The following DHODH variants were observed in gnomAD, a reference collection of about 807,000 sequenced individuals.
The protein encoded by DHODH is dihydroorotate dehydrogenase (quinone), mitochondrial.
A neutral mutation model predicts 39.7 loss-of-function variants in DHODH; 30 were observed. The observed-to-expected ratio is 0.76, with a 90% CI of 0.57 to 1.02. The LOEUF (loss-of-function observed/expected upper bound fraction) is 1.02, where lower values mean the gene tolerates loss of function less well. DHODH is among the 50% of genes least tolerant of loss of function. The probability of loss-of-function intolerance (pLI) is 0.00; values close to 1 mark genes in which losing one functional copy is unlikely to be tolerated. For synonymous variants in DHODH, 222 were observed against 213.8 expected (o/e 1.04, Z -0.34); for missense variants, 531 against 520.8 (o/e 1.02, Z -0.19).
rs367744039 is a variant in DHODH, at chr16:72,017,004, C to G, written c.435-20C>G. Reference sequence around the variant, plus strand: ...TGGTGCCGTCTCACTCTGCCCCTCCCGTGTGCTTGTGCTCTGCAGGTATGG... The same window carrying G: ...TGGTGCCGTCTCACTCTGCCCCTCCGGTGTGCTTGTGCTCTGCAGGTATGG... On this transcript the variant is annotated intron_variant, in intron 3 of 8. Coordinates refer to ENST00000219240, the MANE Select transcript of DHODH (RefSeq NM_001361.5). 12 of 1,612,564 alleles carry G rather than the reference C, an allele frequency of 7.4e-6. No homozygotes were observed. Among genetic ancestry groups the G allele is most frequent in the Middle Eastern group, 3.3e-4 (2 of 6,056 alleles).
In DHODH at chr16:72,016,804, C is replaced by G. The variant is rs1479712398; in HGVS notation, c.435-220C>G. 10 of 521,034 alleles carry G rather than the reference C, an allele frequency of 1.9e-5. No homozygotes were observed. In the East Asian group the frequency reaches 3.7e-4, roughly 19 times the overall value. 32.3% of individuals were successfully genotyped at this position (521,034 alleles called of 1,614,324 possible). On this transcript the variant is annotated intron_variant, in intron 3 of 8. Coordinates refer to ENST00000219240, the MANE Select transcript of DHODH (RefSeq NM_001361.5). ...AGCTGCTGCTGAGTCTGGGCTGTTT[C>G]CAGTGCTAGCTGGCTGAGCATTTGC...
chr16:72,008,917 T>G (rs549243362), intron 1 of DHODH, 132 bp downstream of exon 1: 94 of 1,536,724 alleles, frequency 6.1e-5, no homozygotes, highest in Admixed American at 1.4e-4. Context: ...CGTGTGCGTG[T>G]TTCCGGGGTC....
chr16:72,013,179 A>T (rs1012797473), intron 2 of DHODH, among the ~76,000 whole-genome samples: 4 of 151,902 alleles, frequency 2.6e-5, no homozygotes, highest in African/African-American at 9.7e-5. Flanking sequence ...CTATCTGATT[A>T]TATGGTGTTG....
intron 1 of DHODH, among the ~76,000 whole-genome samples, chr16:72,011,291 A>G (rs143823295): frequency 2.0e-5 from 3 of 152,350 alleles, no homozygotes; most frequent in East Asian, 1.9e-4. Context: ...GGAATGTTCT[A>G]TGTGAAACTG....
At chr16:72,017,902 G>C (rs1285353140) in intron 4 of DHODH, among the ~76,000 whole-genome samples, 1 of 150,570 alleles carries the variant, frequency 6.6e-6, no homozygotes, top group African/African-American at 2.5e-5. Context: ...CTCCCGAGTA[G>C]CTGGGACTTC....
chr16:72,024,359 C>T lies in DHODH; in HGVS notation c.*160C>T, dbSNP rs1374757710. 58 of 745,252 alleles carry T rather than the reference C, an allele frequency of 7.8e-5. 1 individual carries two copies. The highest frequency in any genetic ancestry group is 7.6e-4 in the South Asian group (51 of 67,350). The allele number at this position is 745,252 out of a possible 1,614,324, so 46.2% of individuals were successfully genotyped here. A position where few individuals can be genotyped will look rare whatever the true frequency, so the allele number is the denominator to read the frequency against. ...CAATCGGGGGGTCACCAGGATCAAC[C>T]GCAGGCTTTCTTCAGTCCCTTGGTC... is the stretch of plus-strand genomic sequence containing the variant. On this transcript the variant is annotated 3_prime_UTR_variant, in exon 9 of 9. Transcript: ENST00000219240.
intron 1 of DHODH, among the ~76,000 whole-genome samples, chr16:72,009,916 A>C (rs906373726): frequency 2.6e-5 from 4 of 152,014 alleles, no homozygotes; most frequent in African/African-American, 7.3e-5. Context: ...CTCTTTTTAA[A>C]ATAAATAAAT....
chr16:72,020,348 TATATATG>T, intron 4 of DHODH: 1 of 117,932 alleles, frequency 8.5e-6, no homozygotes. Flanking sequence ...TATATATATA[TATATATG>T]TGTATATATA....
In DHODH at chr16:72,026,564, AG is replaced by A. The variant is rs2041277808; in HGVS notation, c.*2366del. On this transcript the variant is annotated 3_prime_UTR_variant, in exon 9 of 9. Transcript: ENST00000219240. ...CCCTGCTAATTTTTGTATTTTTAGT[AG>A]AGACGGGGTTTCACCATATTGGCCA... The A allele has an allele frequency of 6.6e-6, 1 of 151,956 alleles. No homozygotes were observed. Among genetic ancestry groups the A allele is most frequent in the African/African-American group, 2.4e-5 (1 of 41,322 alleles). The allele number at this position is 151,956 out of a possible 1,614,324, so 9.4% of individuals were successfully genotyped here.
At chr16:72,017,710 A>G (rs2041157041) in intron 4 of DHODH, among the ~76,000 whole-genome samples, 1 of 151,220 alleles carries the variant, frequency 6.6e-6, no homozygotes, top group Non-Finnish European at 1.5e-5. Context: ...TCAGGAGTTT[A>G]AGACCAGCCT....
At chr16:72,020,078 C>A (rs1349725608) in intron 4 of DHODH, among the ~76,000 whole-genome samples, 2 of 151,890 alleles carry the variant, frequency 1.3e-5, no homozygotes, top group South Asian at 2.1e-4. Context: ...GAGATGGAGA[C>A]CATCCTGGCC....
At chr16:72,023,094 G>C (rs890604173) in intron 6 of DHODH, 71 bp from the exon 7 acceptor site, 6 of 1,569,608 alleles carry the variant, frequency 3.8e-6, no homozygotes, top group Non-Finnish European at 5.2e-6. Flanking sequence ...TGCTGCCTTC[G>C]ACCTCCAGAG....
chr16:72,022,517 C>A (rs1328382192), intron 6 of DHODH, 42 bp downstream of exon 6: 1 of 1,487,608 alleles, frequency 6.7e-7, no homozygotes, highest in Non-Finnish European at 9.1e-7. Flanking sequence ...CTCCCATGGT[C>A]TGCAGAGGCC....
At chr16:72,022,332 G>T in intron 5 of DHODH, 30 bp from the exon 6 acceptor site, 1 of 1,527,886 alleles carries the variant, frequency 6.5e-7, no homozygotes, top group Non-Finnish European at 8.9e-7. Flanking sequence ...GGTCTGCGGG[G>T]TCCCCAGCTC....
rs2041258960 is a variant in DHODH, at chr16:72,024,512, A to AAGAAT, written c.*313_*314insAGAAT. The AAGAAT allele has an allele frequency of 2.3e-6, 1 of 435,380 alleles. No individual in the cohort carries two copies. Among genetic ancestry groups the AAGAAT allele is most frequent in the Non-Finnish European group, 4.3e-6 (1 of 233,744 alleles). 27.0% of individuals were successfully genotyped at this position (435,380 alleles called of 1,614,324 possible). ...AAAGCCATTTAGAACCTGGGTTTCAACGCTAGCCCTTTCTGGTTTGCCATA... is the reference window on the plus strand; with the variant it reads ...AAAGCCATTTAGAACCTGGGTTTCAAAGAATCGCTAGCCCTTTCTGGTTTGCCATA... On this transcript the variant is annotated 3_prime_UTR_variant, in exon 9 of 9. Coordinates refer to ENST00000219240, the MANE Select transcript of DHODH (RefSeq NM_001361.5).
At chr16:72,022,579 T>G in intron 6 of DHODH, 104 bp downstream of exon 6, 2 of 931,602 alleles carry the variant, frequency 2.1e-6, no homozygotes, top group South Asian at 2.8e-5. Context: ...TTTCCTCTCC[T>G]TGGTATTCAA....
chr16:72,022,944 G>A (rs928632098), intron 6 of DHODH, among the ~76,000 whole-genome samples: 3 of 152,186 alleles, frequency 2.0e-5, no homozygotes, highest in African/African-American at 7.2e-5. Context: ...TGTCCTAGGG[G>A]AATGTTGTGG....
At chr16:72,015,041 A>G (rs1047578663) in intron 3 of DHODH, among the ~76,000 whole-genome samples, 3 of 152,252 alleles carry the variant, frequency 2.0e-5, no homozygotes, top group Non-Finnish European at 4.4e-5. Context: ...GAGAAATGTA[A>G]TGTGAGCCCC....
chr16:72,010,672 A>C (rs2143967762), intron 1 of DHODH, among the ~76,000 whole-genome samples: 1 of 152,334 alleles, frequency 6.6e-6, no homozygotes, highest in East Asian at 1.9e-4. Context: ...TAAGATCTGA[A>C]GCTTCTGTTT....
Sources: gnomAD v4.1 joint callset for allele counts (sites outside exome capture counted in the v4.1 genomes callset) on GRCh38, gnomAD v4.1.1 for gene constraint, MANE v1.5 for transcripts, NCBI Gene and HGNC (gene_info 2026-07-23, HGNC 2026-07-21) for gene names.